The following KLF8 variants were observed in gnomAD, a reference collection of about 807,000 sequenced individuals.
KLF8 encodes KLF transcription factor 8, also known as Krueppel-like factor 8.
A neutral mutation model predicts 18.2 loss-of-function variants in KLF8; 10 were observed. The ratio of observed to expected loss-of-function variants is 0.55; its 90% CI spans 0.34 to 0.93. The LOEUF is 0.93. KLF8 is among the 40% of genes least tolerant of loss of function. KLF8 has a pLI of 0.02. For missense variants in KLF8, 264 were observed against 277.9 expected, an observed-to-expected ratio of 0.95 and a Z score of 0.36; for synonymous variants, 109 against 97.3, an observed-to-expected ratio of 1.12 and a Z score of -0.71.
At chrX:56,035,473 A>T in the KLF8 span, among the ~76,000 whole-genome samples, 5 of 111,993 alleles carry the variant, frequency 4.5e-5, no homozygotes, top group Non-Finnish European at 9.4e-5. Flanking sequence ...ATTTCCTTTA[A>T]ATAAATGCCT....
the KLF8 span, among the ~76,000 whole-genome samples, chrX:55,938,892 A>G: frequency 8.9e-6 from 1 of 112,036 alleles, no homozygotes; most frequent in African/African-American, 3.2e-5. Context: ...TTAGTGACCT[A>G]CAAAGAGACT....
chrX:55,966,461 T>A, the KLF8 span, among the ~76,000 whole-genome samples: 3 of 112,021 alleles, frequency 2.7e-5, no homozygotes, highest in Non-Finnish European at 5.6e-5. Context: ...AACAAGAGTT[T>A]CTGTCAGGTA....
the KLF8 span, among the ~76,000 whole-genome samples, chrX:56,056,781 C>T: frequency 2.1e-5 from 2 of 96,763 alleles, no homozygotes; most frequent in Non-Finnish European, 4.1e-5. Context: ...CACATGTACC[C>T]TAAAACTTAA....
the KLF8 span, among the ~76,000 whole-genome samples, chrX:56,067,028 C>G: frequency 9.1e-6 from 1 of 109,638 alleles, no homozygotes; most frequent in Non-Finnish European, 1.9e-5. Context: ...TCTGACCAAG[C>G]AGACTACCTT....
chrX:56,156,406 G>C, the KLF8 span, among the ~76,000 whole-genome samples: 334 of 109,402 alleles, frequency 3.1e-3, no homozygotes, highest in African/African-American at 0.011. Context: ...CCCTCTAATA[G>C]GCCCCAGAGT....
chrX:56,112,406 C>T, the KLF8 span, among the ~76,000 whole-genome samples: 1 of 111,425 alleles, frequency 9.0e-6, no homozygotes, highest in South Asian at 3.8e-4. Context: ...GTGCAGCAAA[C>T]CACCATGGCA....
chrX:56,063,979 A>G, the KLF8 span, among the ~76,000 whole-genome samples: 1 of 108,829 alleles, frequency 9.2e-6, no homozygotes, highest in African/African-American at 3.3e-5. Context: ...CTATATATGT[A>G]CATATATATC....
chrX:56,035,582 A>G, the KLF8 span, among the ~76,000 whole-genome samples: 2 of 112,261 alleles, frequency 1.8e-5, no homozygotes, highest in Non-Finnish European at 3.8e-5. Context: ...ATTCTTACCA[A>G]GATTGTATAA....
chrX:56,080,499 G>A, the KLF8 span, among the ~76,000 whole-genome samples: 1 of 111,250 alleles, frequency 9.0e-6, no homozygotes, highest in South Asian at 3.8e-4. Flanking sequence ...TGGCTTCTAG[G>A]GTTTCTGCAG....
chrX:56,032,114 C>T, the KLF8 span, among the ~76,000 whole-genome samples: 324 of 110,815 alleles, frequency 2.9e-3, 3 homozygotes, highest in African/African-American at 0.01. Flanking sequence ...GTGCCTGGCG[C>T]CGGGCTGCCT....
the KLF8 span, among the ~76,000 whole-genome samples, chrX:56,080,777 C>G: frequency 8.9e-6 from 1 of 111,849 alleles, no homozygotes; most frequent in Non-Finnish European, 1.9e-5. Flanking sequence ...CCATCACTTT[C>G]AGGTATGCCA....
the KLF8 span, among the ~76,000 whole-genome samples, chrX:55,969,961 C>A: frequency 9.0e-6 from 1 of 110,989 alleles, no homozygotes; most frequent in African/African-American, 3.3e-5. Context: ...CAAAGAAAAT[C>A]TGATGACTCA....
chrX:56,187,738 T>C, the KLF8 span, among the ~76,000 whole-genome samples: 2 of 111,360 alleles, frequency 1.8e-5, no homozygotes, highest in Admixed American at 9.5e-5. Flanking sequence ...TCAATAAATG[T>C]AATCCAGCAT....
At chrX:56,088,249 TATA>T in the KLF8 span, among the ~76,000 whole-genome samples, 2 of 111,722 alleles carry the variant, frequency 1.8e-5, no homozygotes, top group African/African-American at 6.5e-5. Context: ...TCCTGCAAGG[TATA>T]AGAAGGGAAC....
At chrX:56,157,422 G>A in the KLF8 span, among the ~76,000 whole-genome samples, 1 of 110,652 alleles carries the variant, frequency 9.0e-6, no homozygotes, top group African/African-American at 3.3e-5. Flanking sequence ...GGATGGCTGG[G>A]TCAAATAGTA....
chrX:55,998,956 G>A, the KLF8 span, among the ~76,000 whole-genome samples: 1 of 109,919 alleles, frequency 9.1e-6, no homozygotes, highest in East Asian at 2.8e-4. Flanking sequence ...TTTTCTTCTA[G>A]TATTTTTATA....
chrX:56,001,265 A>G, the KLF8 span, among the ~76,000 whole-genome samples: 2 of 112,115 alleles, frequency 1.8e-5, no homozygotes, highest in Non-Finnish European at 3.8e-5. Flanking sequence ...GGACATCACA[A>G]TCATGTGATG....
the KLF8 span, among the ~76,000 whole-genome samples, chrX:56,197,552 C>T: frequency 9.0e-6 from 1 of 111,352 alleles, no homozygotes; most frequent in African/African-American, 3.3e-5. Flanking sequence ...AAGTTGAATC[C>T]CTGAATAGAC....
At chrX:56,093,357 A>G in the KLF8 span, among the ~76,000 whole-genome samples, 3 of 111,661 alleles carry the variant, frequency 2.7e-5, no homozygotes, top group Non-Finnish European at 3.8e-5. Context: ...AAATTTGATC[A>G]GATTTCTCTT....
Sources: allele counts gnomAD v4.1 joint callset (sites outside exome capture counted in the v4.1 genomes callset), GRCh38; gene constraint gnomAD v4.1.1; transcripts MANE v1.5; gene names NCBI Gene and HGNC (gene_info 2026-07-23, HGNC 2026-07-21).